PPP2R2C: variants seen among roughly 807,000 people sequenced by gnomAD.
PPP2R2C encodes protein phosphatase 2 regulatory subunit Bgamma, also known as protein phosphatase 2, regulatory subunit B, gamma.
Under a neutral mutation model 45.3 loss-of-function variants are expected in PPP2R2C, and 10 were observed. The ratio of observed to expected loss-of-function variants is 0.22; its 90% confidence interval spans 0.14 to 0.37. The LOEUF (loss-of-function observed/expected upper bound fraction) is 0.37, where lower values mean the gene tolerates loss of function less well. PPP2R2C is among the 10% of genes least tolerant of loss of function. The pLI is 1.00. For missense variants in PPP2R2C, 308 were observed against 619.7 expected (o/e 0.50, Z 5.34); for synonymous variants, 257 against 245.4 (o/e 1.05, Z -0.44).
chr4:6,536,675 T>G (rs1321708288), intron 1 of PPP2R2C, among the ~76,000 whole-genome samples: 23 of 152,216 alleles, frequency 1.5e-4, no homozygotes, highest in Admixed American at 1.5e-3. Flanking sequence ...GGGGACAATT[T>G]GACAATGTGA....
intron 2 of PPP2R2C, among the ~76,000 whole-genome samples, chr4:6,512,240 GGGT>G (rs1723622771): frequency 5.4e-4 from 6 of 11,064 alleles, no homozygotes; most frequent in East Asian, 2.5e-3. Context: ...GTGATGGTGG[GGGT>G]GGTGGTGGTG....
chr4:6,460,093 T>A (rs562161052), intron 1 of PPP2R2C, among the ~76,000 whole-genome samples: 3 of 152,308 alleles, frequency 2.0e-5, no homozygotes, highest in African/African-American at 7.2e-5. Context: ...TTAAAATACA[T>A]AGAAGAAGCA....
chr4:6,339,157 A>C (rs1733243275), intron 6 of PPP2R2C, among the ~76,000 whole-genome samples: 1 of 152,212 alleles, frequency 6.6e-6, no homozygotes, highest in Non-Finnish European at 1.5e-5. Flanking sequence ...TCTCTAAAGA[A>C]ATCCTGTGCT....
intron 2 of PPP2R2C, among the ~76,000 whole-genome samples, chr4:6,512,316 T>G (rs1304604620): frequency 8.9e-3 from 241 of 27,052 alleles, no homozygotes; most frequent in Admixed American, 0.011. Flanking sequence ...TGGTGGTGAT[T>G]ATGGTGGTAG....
chr4:6,391,231 C>T (rs1445009532), intron 1 of PPP2R2C, among the ~76,000 whole-genome samples: 1 of 152,170 alleles, frequency 6.6e-6, no homozygotes, highest in Non-Finnish European at 1.5e-5. Flanking sequence ...CCCCCACACA[C>T]ACCTTGGAAA....
intron 2 of PPP2R2C, among the ~76,000 whole-genome samples, chr4:6,504,962 G>T (rs764129689): frequency 3.3e-5 from 5 of 151,664 alleles, no homozygotes; most frequent in East Asian, 1.9e-4. Flanking sequence ...TCTCAAGCAG[G>T]GAAAAAAACA....
chr4:6,347,229 G>T (rs989722587), intron 6 of PPP2R2C, among the ~76,000 whole-genome samples: 2 of 152,240 alleles, frequency 1.3e-5, no homozygotes, highest in Non-Finnish European at 2.9e-5. Flanking sequence ...TAAAGCCCTT[G>T]GTAAGGGCTG....
intron 1 of PPP2R2C, among the ~76,000 whole-genome samples, chr4:6,408,529 T>C (rs1717951769): frequency 1.3e-5 from 2 of 152,216 alleles, no homozygotes; most frequent in South Asian, 2.1e-4. Flanking sequence ...AAGGTTTCAA[T>C]GGGGAGGTAG....
intron 6 of PPP2R2C, among the ~76,000 whole-genome samples, chr4:6,338,103 C>A (rs1733131608): frequency 6.6e-6 from 1 of 152,084 alleles, no homozygotes; most frequent in Non-Finnish European, 1.5e-5. Flanking sequence ...GGTCTCCCCT[C>A]TAATTGACTG....
At chr4:6,362,950 A>T (rs1290415786) in intron 5 of PPP2R2C, among the ~76,000 whole-genome samples, 1 of 152,148 alleles carries the variant, frequency 6.6e-6, no homozygotes, top group Non-Finnish European at 1.5e-5. Context: ...TCATCTGTAA[A>T]AGGGGGATAT....
At chr4:6,534,137 C>CACACACACCAACAT (rs1724501572) in intron 2 of PPP2R2C, among the ~76,000 whole-genome samples, 1 of 150,496 alleles carries the variant, frequency 6.6e-6, no homozygotes, top group Non-Finnish European at 1.5e-5. Context: ...CATACACTAA[C>CACACACACCAACAT]ACACACACCA....
At chr4:6,416,012 C>A (rs80007618) in intron 1 of PPP2R2C, among the ~76,000 whole-genome samples, 5,387 of 152,304 alleles carry the variant, frequency 0.035, 210 homozygotes, top group African/African-American at 0.096. Context: ...ACCCCAGGAC[C>A]AATTTTTTAT....
At chr4:6,529,682 G>A (rs973699451) in intron 2 of PPP2R2C, among the ~76,000 whole-genome samples, 24 of 152,232 alleles carry the variant, frequency 1.6e-4, no homozygotes, top group Non-Finnish European at 3.1e-4. Flanking sequence ...TGGCGAGGCT[G>A]AGAGGGCCCA....
rs977803763 is a variant in PPP2R2C at position 6,331,844 on chromosome 4, T to C, written c.960+1718A>G. On this transcript the variant is annotated intron_variant, in intron 7 of 8. Transcript: ENST00000382599. The surrounding 1 kb of genome is among the most constrained non-coding windows in gnomAD (Gnocchi z 5.9). ...CAGACTCCCTGTTGTGGGAGAAAAA[T>C]AGCCCCGATTTGTTAAGCACCGCAC... is the stretch of plus-strand genomic sequence containing the variant. Among the ~76,000 whole-genome samples the C allele has an allele frequency of 6.6e-6, 1 of 152,056 alleles. No homozygotes were observed. The highest frequency in any genetic ancestry group is 1.5e-5 in the Non-Finnish European group (1 of 68,018).
intron 2 of PPP2R2C, among the ~76,000 whole-genome samples, chr4:6,527,016 C>T (rs568029233): frequency 4.6e-5 from 7 of 152,296 alleles, no homozygotes; most frequent in African/African-American, 1.2e-4. Context: ...ACGCCAACCA[C>T]GGCTTCAATG....
At chr4:6,379,044 C>T (rs975818221) in intron 2 of PPP2R2C, among the ~76,000 whole-genome samples, 2 of 152,082 alleles carry the variant, frequency 1.3e-5, no homozygotes, top group African/African-American at 4.8e-5. Context: ...GAGGCTCTGG[C>T]CACCCTCGTG....
intron 1 of PPP2R2C, among the ~76,000 whole-genome samples, chr4:6,543,220 G>A (rs560720585): frequency 8.5e-5 from 13 of 152,292 alleles, no homozygotes; most frequent in African/African-American, 2.9e-4. Flanking sequence ...GTCAGCCACA[G>A]CTGTCAATGG....
intron 1 of PPP2R2C, among the ~76,000 whole-genome samples, chr4:6,408,821 G>A (rs979937279): frequency 9.9e-5 from 15 of 151,368 alleles, no homozygotes; most frequent in African/African-American, 3.6e-4. Context: ...ACAGGGGGCT[G>A]CAGCTGGTCA....
At chr4:6,333,206 G>A (rs928968509) in intron 7 of PPP2R2C, among the ~76,000 whole-genome samples, 2 of 152,148 alleles carry the variant, frequency 1.3e-5, no homozygotes, top group African/African-American at 2.4e-5. Flanking sequence ...GTACAGCTCC[G>A]ATGCAGGCTC....
Sources: allele counts gnomAD v4.1 joint callset (sites outside exome capture counted in the v4.1 genomes callset), GRCh38; gene constraint gnomAD v4.1.1; non-coding constraint Gnocchi (gnomAD v3.1); transcripts MANE v1.5; gene names NCBI Gene and HGNC (gene_info 2026-07-23, HGNC 2026-07-21).